DSCAML1: variants seen among roughly 807,000 people sequenced by gnomAD.
DSCAML1 encodes the protein DS cell adhesion molecule like 1.
Under a neutral mutation model 200.5 loss-of-function variants are expected in DSCAML1, and 38 were observed. The observed-to-expected ratio is 0.19, with a 90% CI of 0.15 to 0.25. DSCAML1 has a LOEUF of 0.25. Ranked by LOEUF, DSCAML1 falls within the 10% of genes least tolerant of loss-of-function variation. The probability of loss-of-function intolerance (pLI) is 1.00; values close to 1 mark genes in which losing one functional copy is unlikely to be tolerated. For missense variants in DSCAML1, 2,223 were observed against 2,858.8 expected (o/e 0.78, Z 5.07); for synonymous variants, 1,215 against 1,165.0 (o/e 1.04, Z -0.87).
intron 11 of DSCAML1, among the ~76,000 whole-genome samples, chr11:117,499,365 G>C (rs1180176237): frequency 2.0e-5 from 3 of 152,138 alleles, no homozygotes; most frequent in Non-Finnish European, 2.9e-5. Flanking sequence ...GTCTGAGCTG[G>C]AAGGGAACTG....
At chr11:117,594,322 T>C (rs892819905) in intron 3 of DSCAML1, among the ~76,000 whole-genome samples, 7 of 152,242 alleles carry the variant, frequency 4.6e-5, no homozygotes, top group African/African-American at 7.2e-5. Flanking sequence ...ACATTTAGTA[T>C]CCTTGGGTTT....
chr11:117,484,188 C>T (rs1222585741), intron 11 of DSCAML1, among the ~76,000 whole-genome samples: 1 of 152,138 alleles, frequency 6.6e-6, no homozygotes, highest in Admixed American at 6.5e-5. Context: ...TCTCCAGGGA[C>T]GTCTGACTTT....
intron 29 of DSCAML1, 81 bp downstream of exon 29, chr11:117,433,057 G>T: frequency 1.6e-6 from 2 of 1,233,838 alleles, no homozygotes; most frequent in Non-Finnish European, 2.4e-6. Context: ...CTGCCATGAG[G>T]GTTGGTGTTT....
intron 1 of DSCAML1, among the ~76,000 whole-genome samples, chr11:117,788,794 G>A (rs1338317723): frequency 2.0e-5 from 3 of 152,226 alleles, no homozygotes; most frequent in African/African-American, 7.2e-5. Context: ...TCTTGGTGTT[G>A]CACAGTTCGC....
intron 11 of DSCAML1, among the ~76,000 whole-genome samples, chr11:117,482,427 A>G (rs1354242311): frequency 1.3e-5 from 2 of 152,232 alleles, no homozygotes; most frequent in Non-Finnish European, 2.9e-5. Flanking sequence ...TATGCCATAC[A>G]TAGAACTATA....
At chr11:117,802,519 C>G (rs1819140684) in intron 1 of DSCAML1, among the ~76,000 whole-genome samples, 1 of 152,206 alleles carries the variant, frequency 6.6e-6, no homozygotes, top group African/African-American at 2.4e-5. Flanking sequence ...TAGCAGATAT[C>G]TGATTACAGC....
intron 4 of DSCAML1, among the ~76,000 whole-genome samples, chr11:117,525,402 C>T (rs1288560177): frequency 1.3e-5 from 2 of 151,358 alleles, no homozygotes; most frequent in African/African-American, 2.4e-5. Context: ...GAGAGCAAGA[C>T]GTGCAGGGAG....
intron 3 of DSCAML1, among the ~76,000 whole-genome samples, chr11:117,727,624 A>G (rs1476360277): frequency 6.6e-6 from 1 of 152,204 alleles, no homozygotes; most frequent in Non-Finnish European, 1.5e-5. Flanking sequence ...GTCGGCAGGG[A>G]TCAGGAGTCC....
rs151168490 is a variant in DSCAML1, at chr11:117,505,512, T to C, written c.2004A>G (p.Thr668=). 1.1e-5 allele frequency: 18 copies of C among 1,612,922 alleles called. No individual in the cohort carries two copies. Among genetic ancestry groups the C allele is most frequent in the African/African-American group, 5.3e-5 (4 of 74,780 alleles). The change falls in exon 9 of 33, where the codon ACA becomes ACG. Residue 668 remains threonine, a synonymous_variant. Transcript: ENST00000651296. This position sits in a 1 kb window ranked among gnomAD's most constrained non-coding sequence, Gnocchi z 6.7. ...SVSLKHNGNY[T]CIASNAAATV... ...TGGCGGCTGCGTTGCTGGCGATGCA[T>C]GTATAGTTGCCGTTGTGCTTGAGGG...
intron 3 of DSCAML1, among the ~76,000 whole-genome samples, chr11:117,551,017 A>G (rs967798463): frequency 6.6e-6 from 1 of 152,082 alleles, no homozygotes. Flanking sequence ...GTCCTCAGCC[A>G]TGGGCTGGGG....
Position 117,612,749 on chromosome 11 carries a change from C to A in DSCAML1, c.512-80227G>T, listed in dbSNP as rs571620753. 2.0e-5 allele frequency among the ~76,000 whole-genome samples: 3 copies of A among 152,286 alleles called. No individual in the cohort carries two copies. The East Asian group carries it at 5.8e-4, about 29-fold the overall frequency. ...CTATCTCTCCTGGTGGGATGGGCAT[C>A]GTCAAGGGGTGAGCATCCTTTGGGT... is the stretch of plus-strand genomic sequence containing the variant. On this transcript the variant is annotated intron_variant, in intron 3 of 32. Transcript: ENST00000651296.
At chr11:117,506,081 T>C (rs900877004) in intron 8 of DSCAML1, among the ~76,000 whole-genome samples, 3 of 152,180 alleles carry the variant, frequency 2.0e-5, no homozygotes, top group African/African-American at 7.2e-5. Flanking sequence ...CACCTTCTCA[T>C]CCCAGTGATG....
chr11:117,802,470 G>T (rs2055669931), intron 1 of DSCAML1, among the ~76,000 whole-genome samples: 1 of 152,218 alleles, frequency 6.6e-6, no homozygotes, highest in African/African-American at 2.4e-5. Flanking sequence ...CACTCAGTAA[G>T]TGTTGATTTA....
At chr11:117,685,436 C>T (rs1301795449) in intron 3 of DSCAML1, among the ~76,000 whole-genome samples, 4 of 152,202 alleles carry the variant, frequency 2.6e-5, no homozygotes, top group Non-Finnish European at 4.4e-5. Context: ...AGGGTGGAGG[C>T]CCAGGCAGGG....
chr11:117,477,772 C>T (rs1185047693), intron 14 of DSCAML1, among the ~76,000 whole-genome samples: 2 of 152,176 alleles, frequency 1.3e-5, no homozygotes, highest in Non-Finnish European at 2.9e-5. Context: ...TGCTGGCCTC[C>T]AGTGATAGCA....
At chr11:117,608,289 G>A (rs570174867) in intron 3 of DSCAML1, among the ~76,000 whole-genome samples, 2 of 152,288 alleles carry the variant, frequency 1.3e-5, no homozygotes, top group Admixed American at 1.3e-4. Context: ...GCAAATAAAT[G>A]TAACTTTTAT....
intron 1 of DSCAML1, among the ~76,000 whole-genome samples, chr11:117,790,562 C>G (rs769472088): frequency 2.6e-5 from 4 of 152,248 alleles, no homozygotes; most frequent in Non-Finnish European, 5.9e-5. Flanking sequence ...TTATGCCTCA[C>G]ATTTCAGCAG....
chr11:117,809,884 C>G (rs1177220305), intron 1 of DSCAML1, among the ~76,000 whole-genome samples: 1 of 150,788 alleles, frequency 6.6e-6, no homozygotes, highest in Non-Finnish European at 1.5e-5. Context: ...CATACTCTTA[C>G]ACACACACAC....
chr11:117,428,552 G>A lies in DSCAML1; in HGVS notation c.5938C>T (p.Pro1980Ser). The change falls in exon 33 of 33, where the codon CCA (proline) becomes TCA (serine). Residue 1980 changes from proline (P) to serine (S), a missense_variant. This residue lies in a region of DSCAML1 where 280 missense variants were observed against 213.4 expected (regional missense o/e 1.31). Transcript: ENST00000651296. Reference protein sequence around the residue: ...PQRTLAMPAPPAGTAPPAPGP... With the variant: ...PQRTLAMPAPSAGTAPPAPGP... ...GGGGCTGGGGGGGCTGTGCCGGCTG[G>A]GGGGGCTGGCATGGCCAGAGTCCTC... 2 of 1,544,668 alleles carry A rather than the reference G, an allele frequency of 1.3e-6. No individual in the cohort carries two copies. Among genetic ancestry groups the A allele is most frequent in the Middle Eastern group, 2.3e-4 (1 of 4,354 alleles).
Sources: gnomAD v4.1 joint callset for allele counts (sites outside exome capture counted in the v4.1 genomes callset) on GRCh38, gnomAD v4.1.1 for gene constraint, gnomAD v4.1.1 regional missense constraint, Gnocchi (gnomAD v3.1) non-coding constraint, MANE v1.5 for transcripts, NCBI Gene and HGNC (gene_info 2026-07-23, HGNC 2026-07-21) for gene names.